Variants in RAB18 observed in about 807,000 individuals in gnomAD.
The protein encoded by RAB18 is ras-related protein Rab-18.
A neutral mutation model predicts 28.5 loss-of-function variants in RAB18; 10 were observed. The ratio of observed to expected loss-of-function variants is 0.35; its 90% CI spans 0.22 to 0.60. The LOEUF (loss-of-function observed/expected upper bound fraction) is 0.60. RAB18 is among the 20% of genes least tolerant of loss of function. RAB18 has a pLI of 0.78. For synonymous variants in RAB18, 93 were observed against 86.9 expected, an observed-to-expected ratio of 1.07 and a Z score of -0.39; for missense variants, 188 against 244.2, an observed-to-expected ratio of 0.77 and a Z score of 1.53.
intron 3 of RAB18, among the ~76,000 whole-genome samples, chr10:27,529,834 C>T (rs1402358294): frequency 6.6e-6 from 1 of 151,858 alleles, no homozygotes; most frequent in African/African-American, 2.4e-5. Flanking sequence ...CACATGGTTC[C>T]CTCCACCCCC....
chr10:27,521,187 A>G (rs1233934849), intron 2 of RAB18, among the ~76,000 whole-genome samples: 7 of 152,098 alleles, frequency 4.6e-5, no homozygotes, highest in Non-Finnish European at 1.0e-4. Flanking sequence ...AATATGTATT[A>G]AGACTTGTTT....
rs1259161193 is a variant in RAB18, at chr10:27,532,622, A to G, written c.259+43A>G. The G allele has an allele frequency of 2.1e-6, 3 of 1,433,508 alleles. No homozygotes were observed. In the South Asian group the frequency reaches 3.5e-5, roughly 17 times the overall value. 88.8% of individuals were successfully genotyped at this position (1,433,508 alleles called of 1,614,324 possible). A position where few individuals can be genotyped will look rare whatever the true frequency, so the allele number is the denominator to read the frequency against. ...TGTACTATTTAAAAATATTTATTGGAGTTTCTGATTGTCCTAGTCTGTGAA... is the reference window on the plus strand; with the variant it reads ...TGTACTATTTAAAAATATTTATTGGGGTTTCTGATTGTCCTAGTCTGTGAA... On this transcript the variant is annotated intron_variant, in intron 4 of 6. Transcript: ENST00000356940.
At chr10:27,520,253 T>C (rs1005155483) in intron 2 of RAB18, among the ~76,000 whole-genome samples, 8 of 152,196 alleles carry the variant, frequency 5.3e-5, no homozygotes, top group Non-Finnish European at 1.5e-5. Context: ...AATTATGTTA[T>C]CCATTTCGTT....
At chr10:27,521,107 C>A (rs545373271) in intron 2 of RAB18, among the ~76,000 whole-genome samples, 1 of 151,430 alleles carries the variant, frequency 6.6e-6, no homozygotes, top group Non-Finnish European at 1.5e-5. Context: ...TGCCAGTATT[C>A]CTTCTGTTAT....
At chr10:27,526,716 G>A in intron 2 of RAB18, 112 bp from the exon 3 acceptor site, 2 of 1,246,140 alleles carry the variant, frequency 1.6e-6, no homozygotes, top group Non-Finnish European at 1.2e-6. Flanking sequence ...AGAAGTTGGG[G>A]TGTGAATTGG....
rs1175348007 is a variant in RAB18, at chr10:27,504,400, A to G, written c.31A>G (p.Ile11Val). The change falls in exon 1 of 7, where the codon ATC (isoleucine) becomes GTC (valine). Residue 11 changes from isoleucine (I) to valine (V), a missense_variant. Transcript: ENST00000356940. MDEDVLTTLK[I>V]LIIGESGVGK... ...CGAGGACGTGCTAACCACCCTGAAG[A>G]TCCTCATCATCGGCGAGAGTGGGGT... 8 of 1,574,878 alleles carry G rather than the reference A, an allele frequency of 5.1e-6. No individual in the cohort carries two copies. Among genetic ancestry groups the G allele is most frequent in the Non-Finnish European group, 6.9e-6 (8 of 1,160,384 alleles).
Position 27,514,705 on chromosome 10 carries a change from CA to C in RAB18, c.124+4777del, listed in dbSNP as rs1394254119. 3.2e-4 allele frequency among the ~76,000 whole-genome samples: 48 copies of C among 151,196 alleles called. 2 individuals carry two copies. Among genetic ancestry groups the C allele is most frequent in the African/African-American group, 1.1e-3 (44 of 41,300 alleles). On this transcript the variant is annotated intron_variant, in intron 2 of 6. Coordinates refer to ENST00000356940, the MANE Select transcript of RAB18 (RefSeq NM_021252.5). ...AACACAAATATTTAAAAATGTAGTA[CA>C]AGATAACATTTCTGACATAAAAATA...
rs762941564 is a variant in RAB18, at chr10:27,509,901, C to T, written c.95C>T (p.Thr32Met). ...SSLLLRFTDD[T>M]FDPELAATIG... ...CTGCTCTTGAGGTTCACAGATGATA[C>T]GTTTGATCCAGAACTTGCAGCAACA... Residue 32 changes from threonine (T) to methionine (M), a missense_variant, in exon 2 of 7, where the codon ACG becomes ATG. Physicochemically the swap from Thr to Met is moderately conservative, Grantham distance 81. Transcript: ENST00000356940. 30 of 1,612,880 alleles carry T rather than the reference C, an allele frequency of 1.9e-5. No individual in the cohort carries two copies. The East Asian group carries it at 2.2e-4, about 12-fold the overall frequency.
intron 6 of RAB18, among the ~76,000 whole-genome samples, chr10:27,536,037 ACG>A (rs1451826247): frequency 5.3e-5 from 8 of 151,350 alleles, no homozygotes; most frequent in East Asian, 2.0e-4. Flanking sequence ...GAGCGAGATC[ACG>A]CCACTGCACT....
rs559701598 is a variant in RAB18, at chr10:27,541,857, A to C, written c.*3806A>C. The C allele has an allele frequency of 2.9e-5, 13 of 440,728 alleles. No individual in the cohort carries two copies. The East Asian group carries it at 9.7e-4, about 33-fold the overall frequency. The allele number at this position is 440,728 out of a possible 1,614,324, so 27.3% of individuals were successfully genotyped here. A position where few individuals can be genotyped will look rare whatever the true frequency, so the allele number is the denominator to read the frequency against. ...ACCCCCACCCCTGCAAACAATTGGC[A>C]TGTGGTTTGGGTGGCATTGTCACAC... On this transcript the variant is annotated 3_prime_UTR_variant, in exon 7 of 7. Transcript: ENST00000356940.
At chr10:27,511,662 C>T (rs12415979) in intron 2 of RAB18, among the ~76,000 whole-genome samples, 30,378 of 152,106 alleles carry the variant, frequency 0.2, 3,502 homozygotes, top group Non-Finnish European at 0.26. Flanking sequence ...GCAGTTTTGG[C>T]AGCAATTCCA....
intron 1 of RAB18, among the ~76,000 whole-genome samples, chr10:27,507,546 C>CT (rs11459156): frequency 0.3 from 41,235 of 136,330 alleles, 6,288 homozygotes; most frequent in Admixed American, 0.37. Context: ...CTTGCCTTCC[C>CT]TTTTTTTTTT....
chr10:27,504,314 A>C lies in RAB18; in HGVS notation c.-56A>C, dbSNP rs1160335756. The C allele has an allele frequency of 2.0e-6, 3 of 1,523,224 alleles. No homozygotes were observed. The South Asian group carries it at 3.6e-5, about 18-fold the overall frequency. 94.4% of individuals were successfully genotyped at this position (1,523,224 alleles called of 1,614,324 possible). ...CATGCGCAGCAGCTCACTCTGCTGAAGGGCTGAGAGGCGCACCCGGGCGGC... is the reference window on the plus strand; with the variant it reads ...CATGCGCAGCAGCTCACTCTGCTGACGGGCTGAGAGGCGCACCCGGGCGGC... On this transcript the variant is annotated 5_prime_UTR_variant, in exon 1 of 7. Coordinates refer to ENST00000356940, the MANE Select transcript of RAB18 (RefSeq NM_021252.5).
intron 2 of RAB18, among the ~76,000 whole-genome samples, chr10:27,519,311 A>G (rs1834501389): frequency 6.6e-6 from 1 of 152,100 alleles, no homozygotes; most frequent in Non-Finnish European, 1.5e-5. Context: ...GATATCTATA[A>G]AAAACATACA....
At chr10:27,529,142 T>C (rs1834738153) in intron 3 of RAB18, among the ~76,000 whole-genome samples, 3 of 151,702 alleles carry the variant, frequency 2.0e-5, no homozygotes, top group Admixed American at 2.0e-4. Flanking sequence ...GTTTGTGTTC[T>C]TGTGTGTGTG....
intron 2 of RAB18, among the ~76,000 whole-genome samples, chr10:27,525,844 G>A (rs1272060520): frequency 2.0e-5 from 3 of 152,210 alleles, no homozygotes; most frequent in African/African-American, 7.2e-5. Flanking sequence ...ATTGGTGACA[G>A]GTGTTCTATT....
chr10:27,512,521 T>A (rs1294344458), intron 2 of RAB18, among the ~76,000 whole-genome samples: 1 of 151,960 alleles, frequency 6.6e-6, no homozygotes, highest in African/African-American at 2.4e-5. Context: ...GCCAGTCTGG[T>A]CTTGAACTCC....
chr10:27,537,345 C>T (rs745517727), intron 6 of RAB18, among the ~76,000 whole-genome samples: 16 of 152,108 alleles, frequency 1.1e-4, no homozygotes, highest in Admixed American at 2.6e-4. Flanking sequence ...ACTAAGGAAA[C>T]GCAGGGTTGG....
At chr10:27,529,428 A>T (rs556301659) in intron 3 of RAB18, among the ~76,000 whole-genome samples, 2 of 151,972 alleles carry the variant, frequency 1.3e-5, no homozygotes, top group Admixed American at 6.6e-5. Context: ...TTTCTCTCCT[A>T]CTTGGAAGCT....
Sources: gnomAD v4.1 joint callset for allele counts (sites outside exome capture counted in the v4.1 genomes callset) on GRCh38, gnomAD v4.1.1 for gene constraint, MANE v1.5 for transcripts, NCBI Gene and HGNC (gene_info 2026-07-23, HGNC 2026-07-21) for gene names.